The following LDB2 variants were observed in gnomAD, a reference collection of about 807,000 sequenced individuals.
LDB2 encodes LIM domain-binding protein 2.
In LDB2, 12 loss-of-function variants were observed where a neutral mutation model predicts 44.3. The ratio of observed to expected loss-of-function variants is 0.27; its 90% CI spans 0.17 to 0.44. The LOEUF is 0.44. Among genes scored for constraint, LDB2 ranks in the 20% least tolerant of loss-of-function variants. The pLI is 1.00. For missense variants in LDB2, 344 were observed against 473.5 expected, an observed-to-expected ratio of 0.73 and a Z score of 2.54; for synonymous variants, 164 against 174.8, an observed-to-expected ratio of 0.94 and a Z score of 0.49.
intron 1 of LDB2, among the ~76,000 whole-genome samples, chr4:16,777,099 G>A (rs984617174): frequency 3.9e-5 from 6 of 152,206 alleles, no homozygotes; most frequent in African/African-American, 1.4e-4. Context: ...GAATGGGAGG[G>A]AGGGAGCCAG....
chr4:16,821,372 T>A (rs545951312), intron 1 of LDB2, among the ~76,000 whole-genome samples: 4 of 53,150 alleles, frequency 7.5e-5, no homozygotes, highest in Non-Finnish European at 1.6e-4. Context: ...CATGGAATAT[T>A]TGAATTTTTT....
intron 2 of LDB2, among the ~76,000 whole-genome samples, chr4:16,638,866 C>CA (rs3076986): frequency 6.6e-6 from 1 of 151,958 alleles, no homozygotes; most frequent in East Asian, 1.9e-4. Context: ...GAAACCAACA[C>CA]GGGTTTTGTG....
chr4:16,792,094 T>C (rs1775882479), intron 1 of LDB2, among the ~76,000 whole-genome samples: 1 of 152,340 alleles, frequency 6.6e-6, no homozygotes, highest in South Asian at 2.1e-4. Context: ...ATGTACACAC[T>C]TGATGAGAAA....
intron 2 of LDB2, among the ~76,000 whole-genome samples, chr4:16,633,270 C>G (rs1040864970): frequency 3.3e-5 from 5 of 152,082 alleles, no homozygotes; most frequent in Non-Finnish European, 7.4e-5. Context: ...GGGAACATCA[C>G]ACACCAGGGC....
At chr4:16,595,666 A>C (rs1477827907) in intron 3 of LDB2, 37 bp downstream of exon 3, 1 of 1,593,860 alleles carries the variant, frequency 6.3e-7, no homozygotes, top group Non-Finnish European at 8.6e-7. Flanking sequence ...CTCTCAGAGT[A>C]GGAAAAGCCG....
chr4:16,863,991 G>A (rs1713724844), intron 1 of LDB2, among the ~76,000 whole-genome samples: 1 of 152,110 alleles, frequency 6.6e-6, no homozygotes. Flanking sequence ...CTGGTTGGAT[G>A]AAGAGGCTTC....
chr4:16,630,107 G>C (rs1228753637), intron 2 of LDB2, among the ~76,000 whole-genome samples: 2 of 152,132 alleles, frequency 1.3e-5, no homozygotes, highest in Non-Finnish European at 2.9e-5. Context: ...GATACTCCCT[G>C]AGAAGAGAAA....
chr4:16,689,292 C>T (rs144195535), intron 2 of LDB2, among the ~76,000 whole-genome samples: 2 of 152,190 alleles, frequency 1.3e-5, no homozygotes, highest in African/African-American at 4.8e-5. Context: ...CAATTTTCTG[C>T]CAGTTCCTAC....
chr4:16,560,961 A>G (rs1666019268), intron 5 of LDB2, among the ~76,000 whole-genome samples: 1 of 152,232 alleles, frequency 6.6e-6, no homozygotes, highest in African/African-American at 2.4e-5. Flanking sequence ...AACCAAAGAC[A>G]AAAACCACAT....
intron 2 of LDB2, among the ~76,000 whole-genome samples, chr4:16,743,997 C>T (rs1763865252): frequency 6.6e-6 from 1 of 152,148 alleles, no homozygotes; most frequent in South Asian, 2.1e-4. Flanking sequence ...ATGACACTTC[C>T]CCCTATACTT....
chr4:16,590,541 G>T (rs6810956), intron 3 of LDB2, among the ~76,000 whole-genome samples: 4 of 152,196 alleles, frequency 2.6e-5, no homozygotes, highest in African/African-American at 9.7e-5. Flanking sequence ...CATTCCATGC[G>T]CTCTAACTGA....
At chr4:16,653,064 A>C (rs1738756863) in intron 2 of LDB2, among the ~76,000 whole-genome samples, 1 of 152,188 alleles carries the variant, frequency 6.6e-6, no homozygotes, top group Non-Finnish European at 1.5e-5. Context: ...TGAGCCAAAC[A>C]GTGTGAAAAT....
chr4:16,870,493 G>A (rs1860274), intron 1 of LDB2, among the ~76,000 whole-genome samples: 39,480 of 151,680 alleles, frequency 0.26, 6,026 homozygotes, highest in East Asian at 0.68. Flanking sequence ...GGGGACCTGC[G>A]GTCACCCCCA....
chr4:16,692,353 T>A (rs1468696188), intron 2 of LDB2, among the ~76,000 whole-genome samples: 1 of 152,102 alleles, frequency 6.6e-6, no homozygotes, highest in Non-Finnish European at 1.5e-5. Context: ...TCTTCTTAAG[T>A]CCCTCGGCAA....
intron 5 of LDB2, among the ~76,000 whole-genome samples, chr4:16,538,269 A>G (rs566803490): frequency 6.6e-6 from 1 of 152,236 alleles, no homozygotes; most frequent in South Asian, 2.1e-4. Context: ...AAGAATCAAG[A>G]CTGACTTTGT....
chr4:16,506,235 C>T (rs2152208240), intron 7 of LDB2: 1 of 399,784 alleles, frequency 2.5e-6, no homozygotes, highest in South Asian at 7.4e-5. Flanking sequence ...CCATTCAACT[C>T]CAGGACACAT....
chr4:16,764,623 ATG>A (rs1266672806), intron 1 of LDB2, among the ~76,000 whole-genome samples: 2 of 152,250 alleles, frequency 1.3e-5, no homozygotes, highest in Middle Eastern at 3.4e-3. Flanking sequence ...GCTTGGCCAC[ATG>A]TGAGGAAGAA....
At chr4:16,642,624 T>G (rs1322571739) in intron 2 of LDB2, among the ~76,000 whole-genome samples, 1 of 152,216 alleles carries the variant, frequency 6.6e-6, no homozygotes, top group African/African-American at 2.4e-5. Context: ...TTCAGGACCC[T>G]GTTCCTCCTC....
At chr4:16,572,890 G>A (rs758136680) in intron 5 of LDB2, among the ~76,000 whole-genome samples, 6 of 152,128 alleles carry the variant, frequency 3.9e-5, no homozygotes, top group South Asian at 2.1e-4. Flanking sequence ...AAGAGGAGGC[G>A]GAGGGGAAAA....
Sources: gnomAD v4.1 joint callset for allele counts (sites outside exome capture counted in the v4.1 genomes callset) on GRCh38, gnomAD v4.1.1 for gene constraint, MANE v1.5 for transcripts, NCBI Gene and HGNC (gene_info 2026-07-23, HGNC 2026-07-21) for gene names.